Variants in QTRT2 observed in about 807,000 individuals in gnomAD.
The protein encoded by QTRT2 is queuine tRNA-ribosyltransferase accessory subunit 2.
In QTRT2, 32 loss-of-function variants were observed where a neutral mutation model predicts 44.8. The ratio of observed to expected loss-of-function variants is 0.71; its 90% CI spans 0.54 to 0.96. QTRT2 has a LOEUF of 0.96. Ranked by LOEUF, QTRT2 falls within the 40% of genes least tolerant of loss-of-function variation. The pLI is 0.00. For synonymous variants in QTRT2, 182 were observed against 187.4 expected, an observed-to-expected ratio of 0.97 and a Z score of 0.24; for missense variants, 461 against 503.1, an observed-to-expected ratio of 0.92 and a Z score of 0.80.
chr3:114,060,706 TTTTTC>T (rs150370039), intron 2 of QTRT2, among the ~76,000 whole-genome samples: 4,740 of 152,280 alleles, frequency 0.031, 119 homozygotes, highest in East Asian at 0.051. Context: ...CAAACAGTCT[TTTTTC>T]TTTTCCTAGT....
At chr3:114,074,060 G>A (rs1241152086) in intron 6 of QTRT2, among the ~76,000 whole-genome samples, 2 of 152,222 alleles carry the variant, frequency 1.3e-5, no homozygotes, top group Admixed American at 6.5e-5. Flanking sequence ...GTGGTCGGGT[G>A]CAGCAAGAAG....
At chr3:114,060,472 A>ATAGGTAGGTAGGTAGG (rs796649795) in intron 2 of QTRT2, among the ~76,000 whole-genome samples, 9 of 146,732 alleles carry the variant, frequency 6.1e-5, no homozygotes, top group East Asian at 6.1e-4. Flanking sequence ...CCCCAGATAG[A>ATAGGTAGGTAGGTAGG]TAGGTAGGTA....
rs983852041 is a variant in QTRT2, at chr3:114,076,606, G to A, written c.547-137G>A. 3.6e-5 allele frequency: 26 copies of A among 712,784 alleles called. No individual in the cohort carries two copies. In the African/African-American group the frequency reaches 4.3e-4, roughly 12 times the overall value. 44.2% of individuals were successfully genotyped at this position (712,784 alleles called of 1,614,324 possible). A position where few individuals can be genotyped will look rare whatever the true frequency, so the allele number is the denominator to read the frequency against. Reference sequence around the variant, plus strand: ...CTTAAAGGTTCTTAGGGAGGAGGGAGCACCATCCCCTTTAATGCTTCAACT... The same window carrying A: ...CTTAAAGGTTCTTAGGGAGGAGGGAACACCATCCCCTTTAATGCTTCAACT... On this transcript the variant is annotated intron_variant, in intron 6 of 9. Coordinates refer to ENST00000281273, the MANE Select transcript of QTRT2 (RefSeq NM_024638.4).
chr3:114,068,167 A>C (rs185745028), intron 5 of QTRT2, 104 bp downstream of exon 5: 5 of 910,630 alleles, frequency 5.5e-6, no homozygotes, highest in Non-Finnish European at 9.1e-6. Context: ...ATGATCCCTT[A>C]TACCTTTTCC....
At chr3:114,072,932 A>G (rs1273117148) in intron 6 of QTRT2, among the ~76,000 whole-genome samples, 2 of 152,172 alleles carry the variant, frequency 1.3e-5, no homozygotes, top group Non-Finnish European at 2.9e-5. Context: ...CAGAGGAGAG[A>G]ATTTTAATAT....
chr3:114,068,635 A>G (rs1351992894), intron 5 of QTRT2, among the ~76,000 whole-genome samples: 1 of 152,210 alleles, frequency 6.6e-6, no homozygotes, highest in Non-Finnish European at 1.5e-5. Context: ...AAACGCAAAT[A>G]CTTTTCCTGC....
intron 2 of QTRT2, 108 bp downstream of exon 2, chr3:114,057,214 A>C: frequency 8.5e-6 from 3 of 351,284 alleles, no homozygotes; most frequent in East Asian, 7.6e-5. Context: ...GAGATGGCCC[A>C]TGGAGCAAAG....
At position 114,082,668 on chromosome 3, in the gene QTRT2, G is replaced by C. The variant is rs760986073; in HGVS notation, c.899-9G>C. 8.9e-7 allele frequency: 1 copy of C among 1,121,994 alleles called. No individual in the cohort carries two copies. The highest frequency in any genetic ancestry group is 1.5e-5 in the South Asian group (1 of 68,952). 69.5% of individuals were successfully genotyped at this position (1,121,994 alleles called of 1,614,324 possible). A position where few individuals can be genotyped will look rare whatever the true frequency, so the allele number is the denominator to read the frequency against. ...ATCATTCAAGCCTTTTTATTGGTTTGTCCTTCAGTACTACAACAAAATGGA... is the reference window on the plus strand; with the variant it reads ...ATCATTCAAGCCTTTTTATTGGTTTCTCCTTCAGTACTACAACAAAATGGA... On this transcript the variant is annotated splice_polypyrimidine_tract_variant and intron_variant, in intron 8 of 9. Coordinates refer to ENST00000281273, the MANE Select transcript of QTRT2 (RefSeq NM_024638.4).
Position 114,068,027 on chromosome 3 carries a change from A to G in QTRT2, c.297A>G (p.Pro99=). The part of the protein sequence containing the change: ...ESLLYCSLHD[P]VSPCPAGYVT... ...TCTTGTACTGCTCCCTGCACGATCC[A>G]GTCAGCCCCTGCCCGGCTGGTTATG... is the stretch of plus-strand genomic sequence containing the variant. Residue 99 remains proline (P), a synonymous_variant, in exon 5 of 10, where the codon CCA becomes CCG. Coordinates refer to ENST00000281273, the MANE Select transcript of QTRT2 (RefSeq NM_024638.4). The G allele has an allele frequency of 6.2e-7, 1 of 1,613,932 alleles. No individual in the cohort carries two copies. Among genetic ancestry groups the G allele is most frequent in the Non-Finnish European group, 8.5e-7 (1 of 1,179,870 alleles).
chr3:114,081,155 C>A (rs2077161184), intron 8 of QTRT2, among the ~76,000 whole-genome samples: 1 of 152,114 alleles, frequency 6.6e-6, no homozygotes, highest in South Asian at 2.1e-4. Context: ...AGAACAAGAT[C>A]ATTTTTGGCC....
At chr3:114,080,926 A>G (rs1009022542) in intron 8 of QTRT2, among the ~76,000 whole-genome samples, 2 of 152,222 alleles carry the variant, frequency 1.3e-5, no homozygotes, top group African/African-American at 2.4e-5. Flanking sequence ...AAAATAAATC[A>G]AGTTGATCAA....
rs1346546894 is a variant in QTRT2, at chr3:114,088,222, CTG to C, written c.*2322_*2323del. 7 of 152,286 alleles carry C rather than the reference CTG, an allele frequency of 4.6e-5. No individual in the cohort carries two copies. The highest frequency in any genetic ancestry group is 2.1e-4 in the South Asian group (1 of 4,832). The allele number at this position is 152,286 out of a possible 1,614,324, so 9.4% of individuals were successfully genotyped here. A position where few individuals can be genotyped will look rare whatever the true frequency, so the allele number is the denominator to read the frequency against. On this transcript the variant is annotated 3_prime_UTR_variant, in exon 10 of 10. Transcript: ENST00000281273. ...TTATTTATGTCTAAAACACTGAAAA[CTG>C]TGTCCAATATCGTTCAGTTTCCTGG...
chr3:114,065,494 GGCA>G (rs1287061913), intron 3 of QTRT2, 37 bp downstream of exon 3: 7 of 1,523,884 alleles, frequency 4.6e-6, no homozygotes, highest in Non-Finnish European at 6.3e-6. Context: ...TATCAACTGT[GGCA>G]GCAGCTTAGT....
At chr3:114,066,577 G>A (rs1281783519) in intron 4 of QTRT2, 8 of 336,948 alleles carry the variant, frequency 2.4e-5, no homozygotes, top group Admixed American at 8.2e-5. Flanking sequence ...AGAGGGCAGA[G>A]CATATAACCT....
chr3:114,087,134 T>C lies in QTRT2; in HGVS notation c.*1230T>C, dbSNP rs2077246737. Reference sequence around the variant, plus strand: ...CACATACACCCACATGCACACACCATAGTTTTTATACAAACAGCAATAACA... The same window carrying C: ...CACATACACCCACATGCACACACCACAGTTTTTATACAAACAGCAATAACA... On this transcript the variant is annotated 3_prime_UTR_variant, in exon 10 of 10. Coordinates refer to ENST00000281273, the MANE Select transcript of QTRT2 (RefSeq NM_024638.4). The C allele has an allele frequency of 6.6e-6, 1 of 152,202 alleles. No homozygotes were observed. The highest frequency in any genetic ancestry group is 1.5e-5 in the Non-Finnish European group (1 of 68,030). 9.4% of individuals were successfully genotyped at this position (152,202 alleles called of 1,614,324 possible). A position where few individuals can be genotyped will look rare whatever the true frequency, so the allele number is the denominator to read the frequency against.
intron 2 of QTRT2, 155 bp downstream of exon 2, chr3:114,057,261 C>G (rs545838964): frequency 5.1e-6 from 1 of 195,864 alleles, no homozygotes; most frequent in Non-Finnish European, 1.0e-5. Context: ...GAGGTGTTTC[C>G]AGAGACAGCC....
In QTRT2 at chr3:114,069,680, A is replaced by G. The variant is rs181362787; in HGVS notation, c.334-946A>G. Among the ~76,000 whole-genome samples, 12 of 152,212 alleles carry G rather than the reference A, an allele frequency of 7.9e-5. No individual in the cohort carries two copies. In the East Asian group the frequency reaches 2.1e-3, roughly 27 times the overall value. On this transcript the variant is annotated intron_variant, in intron 5 of 9. Coordinates refer to ENST00000281273, the MANE Select transcript of QTRT2 (RefSeq NM_024638.4). ...TTTAGGTTGATTGCATGTCTTTGCTATTGTGAATAGTGCTGCAATGTACAT... is the reference window on the plus strand; with the variant it reads ...TTTAGGTTGATTGCATGTCTTTGCTGTTGTGAATAGTGCTGCAATGTACAT...
At chr3:114,085,027 T>C (rs1360759015) in intron 9 of QTRT2, among the ~76,000 whole-genome samples, 1 of 152,180 alleles carries the variant, frequency 6.6e-6, no homozygotes, top group Non-Finnish European at 1.5e-5. Context: ...CTCTCCTAAG[T>C]GTCCAACACT....
rs867805154 is a variant in QTRT2, at chr3:114,084,079, G to A, written c.1016+1285G>A. ...TTTTTTCTTTTTTTTTTTTTTTTGT[G>A]GGGGGCAGAGTGTAGCTCTGTTGCC... is the stretch of plus-strand genomic sequence containing the variant. On this transcript the variant is annotated intron_variant, in intron 9 of 9. Coordinates refer to ENST00000281273, the MANE Select transcript of QTRT2 (RefSeq NM_024638.4). Among the ~76,000 whole-genome samples, 6 of 129,856 alleles carry A rather than the reference G, an allele frequency of 4.6e-5. No homozygotes were observed. The East Asian group carries it at 6.6e-4, about 14-fold the overall frequency. 85.2% of individuals were successfully genotyped at this position (129,856 alleles called of 152,430 possible).
Sources: gnomAD v4.1 joint callset for allele counts (sites outside exome capture counted in the v4.1 genomes callset) on GRCh38, gnomAD v4.1.1 for gene constraint, MANE v1.5 for transcripts, NCBI Gene and HGNC (gene_info 2026-07-23, HGNC 2026-07-21) for gene names.